ARHGEF4: variants seen among roughly 807,000 people sequenced by gnomAD.
ARHGEF4 encodes APC-stimulated guanine nucleotide exchange factor 1.
ARHGEF4 carries 119 observed loss-of-function variants against 162.0 expected under a neutral mutation model. The ratio of observed to expected loss-of-function variants is 0.73; its 90% confidence interval spans 0.63 to 0.86. ARHGEF4 has a LOEUF of 0.86. ARHGEF4 is among the 40% of genes least tolerant of loss of function. The pLI, the probability that ARHGEF4 is intolerant of heterozygous loss-of-function variation, is 0.00. For synonymous variants in ARHGEF4, 1,014 were observed against 979.9 expected (o/e 1.03, Z -0.65); for missense variants, 2,488 against 2,456.0 (o/e 1.01, Z -0.28).
rs1167521372 is a variant in ARHGEF4, at chr2:130,988,848, T to TTG, written c.3986-39073_3986-39072dup. ...AATGAGTATTCTTCTCCACATATAT[T>TTG]TGTGTGTGTGTGTGTGTGTGTGTGT... On this transcript the variant is annotated intron_variant, in intron 4 of 13. Coordinates refer to ENST00000409359, the MANE Select transcript of ARHGEF4 (RefSeq NM_001367493.1). Among the ~76,000 whole-genome samples the TTG allele has an allele frequency of 6.7e-3, 915 of 136,054 alleles. 10 individuals are homozygous for TTG. The highest frequency in any genetic ancestry group is 0.02 in the Admixed American group (266 of 13,150). The allele number at this position is 136,054 out of a possible 152,430, so 89.3% of individuals were successfully genotyped here.
intron 4 of ARHGEF4, among the ~76,000 whole-genome samples, chr2:131,013,042 G>A (rs1688566095): frequency 1.3e-5 from 2 of 152,178 alleles, no homozygotes; most frequent in African/African-American, 4.8e-5. Flanking sequence ...ACTGTGAAAA[G>A]ATTCACCTCG....
chr2:131,041,355 G>C lies in ARHGEF4; in HGVS notation c.4788G>C (p.Lys1596Asn). ...TCGAGGCCTGCCGGCTGCTGCAGAAGATGATTGACATCTCCCTGGATGGCT... is the reference window on the plus strand; with the variant it reads ...TCGAGGCCTGCCGGCTGCTGCAGAACATGATTGACATCTCCCTGGATGGCT... The part of the protein sequence containing the change: ...YFFEACRLLQ[K>N]MIDISLDGFL... The change falls in exon 9 of 14, where the codon AAG (lysine) becomes AAC (asparagine). Residue 1596 changes from lysine (K) to asparagine (N), a missense_variant. Transcript: ENST00000409359. The C allele has an allele frequency of 6.2e-7, 1 of 1,613,674 alleles. No individual in the cohort carries two copies. Among genetic ancestry groups the C allele is most frequent in the Non-Finnish European group, 8.5e-7 (1 of 1,180,044 alleles).
intron 6 of ARHGEF4, 200 bp downstream of exon 6, chr2:131,039,232 G>A: frequency 7.9e-7 from 1 of 1,270,908 alleles, no homozygotes; most frequent in Non-Finnish European, 1.0e-6. Flanking sequence ...TGAGCCCTCG[G>A]GGGCCAGAGA....
intron 1 of ARHGEF4, among the ~76,000 whole-genome samples, chr2:130,902,209 A>C (rs183877177): frequency 7.2e-5 from 11 of 152,324 alleles, no homozygotes; most frequent in African/African-American, 2.6e-4. Context: ...CAAATGAAAC[A>C]GAGAGCAAGC....
At chr2:130,869,272 G>A (rs944561895) in intron 1 of ARHGEF4, among the ~76,000 whole-genome samples, 1 of 152,172 alleles carries the variant, frequency 6.6e-6, no homozygotes, top group African/African-American at 2.4e-5. Context: ...CTGTGCCGGT[G>A]ATGGAAGGTA....
chr2:130,837,091 C>A, intron 1 of ARHGEF4, 99 bp downstream of exon 1: 1 of 1,131,218 alleles, frequency 8.8e-7, no homozygotes. Flanking sequence ...CGGGCCGTCC[C>A]CTGGGCACCC....
At chr2:130,934,532 T>G (rs933642611) in intron 3 of ARHGEF4, among the ~76,000 whole-genome samples, 8 of 152,004 alleles carry the variant, frequency 5.3e-5, no homozygotes, top group African/African-American at 1.7e-4. Flanking sequence ...TGTTAAGAGT[T>G]TATATTTCTT....
chr2:130,995,770 G>T (rs1311062446), intron 4 of ARHGEF4, among the ~76,000 whole-genome samples: 1 of 151,966 alleles, frequency 6.6e-6, no homozygotes, highest in Non-Finnish European at 1.5e-5. Flanking sequence ...CATGCTTCTA[G>T]CTTACAGCCA....
At position 131,040,206 on chromosome 2, in the gene ARHGEF4, G is replaced by A. The variant is rs1300858124; in HGVS notation, c.4482+14G>A. ...GACATCTGCGAGGTGAGGCCCGGCC[G>A]GCGGGCGGTGACTGGGGACCCGGTC... is the stretch of plus-strand genomic sequence containing the variant. On this transcript the variant is annotated intron_variant, in intron 7 of 13. Coordinates refer to ENST00000409359, the MANE Select transcript of ARHGEF4 (RefSeq NM_001367493.1). The A allele has an allele frequency of 6.2e-7, 1 of 1,608,608 alleles. No homozygotes were observed. Among genetic ancestry groups the A allele is most frequent in the Admixed American group, 1.7e-5 (1 of 59,748 alleles).
intron 1 of ARHGEF4, among the ~76,000 whole-genome samples, chr2:130,853,632 G>A (rs1360210261): frequency 2.0e-5 from 3 of 152,142 alleles, no homozygotes; most frequent in East Asian, 1.9e-4. Flanking sequence ...TGTGCACATC[G>A]GTGTCCAGGA....
In ARHGEF4 at chr2:131,028,011, A is replaced by G. The variant is rs763971150; in HGVS notation, c.4052A>G (p.Tyr1351Cys). The G allele has an allele frequency of 2.3e-5, 37 of 1,613,956 alleles. No individual in the cohort carries two copies. In the Admixed American group the frequency reaches 3.0e-4, roughly 13 times the overall value. The stretch of plus-strand genomic sequence containing the variant: ...GAAGTGGGGAGCGAGGAGGACCTGT[A>G]TGATGACCTGCACAGCTCCAGCCAC... ...ADEVGSEEDL[Y>C]DDLHSSSHHY... Residue 1351 changes from tyrosine to cysteine, a missense_variant, in exon 5 of 14, where the codon TAT (tyrosine) becomes TGT (cysteine). By Grantham distance (194) the Tyr-to-Cys change is radical. This residue lies in a region of ARHGEF4 where 1,642 missense variants were observed against 1,481.5 expected (regional missense o/e 1.11). Coordinates refer to ENST00000409359, the MANE Select transcript of ARHGEF4 (RefSeq NM_001367493.1).
chr2:130,955,691 C>T (rs974254915), intron 4 of ARHGEF4, among the ~76,000 whole-genome samples: 1 of 152,114 alleles, frequency 6.6e-6, no homozygotes, highest in Non-Finnish European at 1.5e-5. Flanking sequence ...GCTTTACAAG[C>T]TATCAAATGC....
intron 4 of ARHGEF4, among the ~76,000 whole-genome samples, chr2:131,019,450 T>C (rs1318485340): frequency 4.0e-5 from 6 of 151,590 alleles, no homozygotes; most frequent in Non-Finnish European, 4.4e-5. Flanking sequence ...AGGAATGCAT[T>C]GAATACACAG....
chr2:130,915,813 G>T lies in ARHGEF4; in HGVS notation c.1867G>T (p.Glu623Ter). The T allele has an allele frequency of 6.6e-7, 1 of 1,524,082 alleles. No homozygotes were observed. The highest frequency in any genetic ancestry group is 8.8e-7 in the Non-Finnish European group (1 of 1,134,456). The allele number at this position is 1,524,082 out of a possible 1,614,324, so 94.4% of individuals were successfully genotyped here. A position where few individuals can be genotyped will look rare whatever the true frequency, so the allele number is the denominator to read the frequency against. ...GCAGCTGGAGCCCAAAGCAGGCGGC[G>T]AGGCCTCGAGGGGCAGGGGCGCCCT... ...GRQLEPKAGGEASRGRGALII... is the reference protein window; with the variant it reads ...GRQLEPKAGG The change falls in exon 2 of 14, where the codon GAG becomes TAG. Residue 623 changes from glutamate to a stop codon, truncating the protein, a stop_gained. Coordinates refer to ENST00000409359, the MANE Select transcript of ARHGEF4 (RefSeq NM_001367493.1). LOFTEE classifies it high-confidence loss of function.
Position 131,046,942 on chromosome 2 carries a change from C to G in ARHGEF4, c.*753C>G, listed in dbSNP as rs1441124768. 6.5e-6 allele frequency: 1 copy of G among 152,672 alleles called. No homozygotes were observed. The highest frequency in any genetic ancestry group is 1.5e-5 in the Non-Finnish European group (1 of 68,054). The allele number at this position is 152,672 out of a possible 1,614,324, so 9.5% of individuals were successfully genotyped here. A position where few individuals can be genotyped will look rare whatever the true frequency, so the allele number is the denominator to read the frequency against. On this transcript the variant is annotated 3_prime_UTR_variant, in exon 14 of 14. Transcript: ENST00000409359. ...GTTTGGATTTTGGCATCTTGTTTTT[C>G]TAACAACAAACAATGGAGAAAAAGA...
Position 130,917,640 on chromosome 2 carries a change from C to T in ARHGEF4, c.3552+142C>T, listed in dbSNP as rs551088136. On this transcript the variant is annotated intron_variant, in intron 2 of 13. Transcript: ENST00000409359. Reference sequence around the variant, plus strand: ...CCCCGTTACACTCCCAGCCGCCCCCCCTCCCCCAGTGAACACAGCGGGTGA... The same window carrying T: ...CCCCGTTACACTCCCAGCCGCCCCCTCTCCCCCAGTGAACACAGCGGGTGA... 6,799 of 1,110,062 alleles carry T rather than the reference C, an allele frequency of 6.1e-3. 34 individuals are homozygous for T. Among genetic ancestry groups the T allele is most frequent in the Non-Finnish European group, 7.7e-3 (6,202 of 804,584 alleles). The allele number at this position is 1,110,062 out of a possible 1,614,324, so 68.8% of individuals were successfully genotyped here. A position where few individuals can be genotyped will look rare whatever the true frequency, so the allele number is the denominator to read the frequency against.
chr2:130,851,521 C>T (rs973416418), intron 1 of ARHGEF4, among the ~76,000 whole-genome samples: 5 of 152,240 alleles, frequency 3.3e-5, no homozygotes, highest in South Asian at 2.1e-4. Flanking sequence ...CTTCGCCCAC[C>T]GTGCAGGTGC....
intron 4 of ARHGEF4, among the ~76,000 whole-genome samples, chr2:131,000,313 T>C (rs1020573201): frequency 1.3e-5 from 2 of 152,210 alleles, no homozygotes; most frequent in Admixed American, 1.3e-4. Context: ...TACATTATTT[T>C]CAATGCACTG....
intron 4 of ARHGEF4, among the ~76,000 whole-genome samples, chr2:130,958,946 C>CT (rs530735577): frequency 0.036 from 5,072 of 141,662 alleles, 203 homozygotes; most frequent in African/African-American, 0.1. Context: ...TCTTTTCTTT[C>CT]TTTTTTTTTT....
Sources: allele counts gnomAD v4.1 joint callset (sites outside exome capture counted in the v4.1 genomes callset), GRCh38; gene constraint gnomAD v4.1.1; regional missense constraint gnomAD v4.1.1; transcripts MANE v1.5; gene names NCBI Gene and HGNC (gene_info 2026-07-23, HGNC 2026-07-21).